ACYP2: variants seen among roughly 807,000 people sequenced by gnomAD.
ACYP2 encodes acylphosphatase-2.
In ACYP2, 12 loss-of-function variants were observed where a neutral mutation model predicts 11.2. The ratio of observed to expected loss-of-function variants is 1.08; its 90% CI spans 0.69 to 1.74. The LOEUF (loss-of-function observed/expected upper bound fraction) is 1.74, where lower values mean the gene tolerates loss of function less well. Ranked by LOEUF, ACYP2 falls within the 40% of genes most tolerant of loss-of-function variation. The pLI, the probability that ACYP2 is intolerant of heterozygous loss-of-function variation, is 0.00. For synonymous variants in ACYP2, 43 were observed against 32.2 expected (o/e 1.33, Z -1.13); for missense variants, 134 against 101.9 (o/e 1.31, Z -1.35).
At chr2:54,164,924 T>C (rs1007056114) in intron 6 of ACYP2, among the ~76,000 whole-genome samples, 1 of 152,216 alleles carries the variant, frequency 6.6e-6, no homozygotes, top group African/African-American at 2.4e-5. Flanking sequence ...TGTGTTCTCA[T>C]TGTTCAGCTC....
chr2:54,158,296 C>T (rs1450690283), intron 6 of ACYP2, among the ~76,000 whole-genome samples: 1 of 151,756 alleles, frequency 6.6e-6, no homozygotes, highest in Admixed American at 6.6e-5. Flanking sequence ...CCTGCCTCAG[C>T]CTTCCAAAGT....
chr2:54,078,867 G>A (rs1394060838), intron 4 of ACYP2, among the ~76,000 whole-genome samples: 2 of 152,006 alleles, frequency 1.3e-5, no homozygotes, highest in Non-Finnish European at 2.9e-5. Context: ...CAAAGTGCTG[G>A]GACTACAGGC....
rs1168917459 is a variant in ACYP2 at position 54,195,794 on chromosome 2, GTTTTT to G, written c.404+57063_404+57067del. Among the ~76,000 whole-genome samples the G allele has an allele frequency of 2.3e-3, 195 of 83,150 alleles. 2 individuals are homozygous for G. The highest frequency in any genetic ancestry group is 0.022 in the East Asian group (51 of 2,344). The allele number at this position is 83,150 out of a possible 152,430, so 54.5% of individuals were successfully genotyped here. On this transcript the variant is annotated intron_variant, in intron 6 of 6. Coordinates refer to ENST00000607452, the MANE Select transcript of ACYP2 (RefSeq NM_001320586.2). ...GTACATTGTCATCGTTTTGTTGTGG[GTTTTT>G]TTTTTTTTTTTTTTTTGAGACAGAG...
chr2:53,984,518 A>G (rs1671925397), intron 2 of ACYP2, among the ~76,000 whole-genome samples: 1 of 151,976 alleles, frequency 6.6e-6, no homozygotes, highest in East Asian at 1.9e-4. Flanking sequence ...TGGGGGTTGC[A>G]GCGAGCCGAG....
chr2:54,233,622 C>T (rs1686340487), intron 6 of ACYP2, among the ~76,000 whole-genome samples: 1 of 152,016 alleles, frequency 6.6e-6, no homozygotes, highest in Non-Finnish European at 1.5e-5. Flanking sequence ...ATTTTCTTAT[C>T]CCTCCTGTAA....
chr2:53,983,674 T>C (rs1052942031), intron 2 of ACYP2, among the ~76,000 whole-genome samples: 1 of 152,152 alleles, frequency 6.6e-6, no homozygotes, highest in East Asian at 1.9e-4. Context: ...GTTAAGAATT[T>C]TGGATTTTTT....
At chr2:54,209,250 T>C (rs1156255636) in intron 6 of ACYP2, among the ~76,000 whole-genome samples, 1 of 152,232 alleles carries the variant, frequency 6.6e-6, no homozygotes, top group Non-Finnish European at 1.5e-5. Context: ...CTTAATTCCA[T>C]ATTGCTTTCT....
At chr2:53,990,312 A>C (rs950264452) in intron 2 of ACYP2, among the ~76,000 whole-genome samples, 6 of 152,026 alleles carry the variant, frequency 3.9e-5, no homozygotes, top group African/African-American at 1.4e-4. Flanking sequence ...TCTTCTATTT[A>C]ATTTAGCCAG....
intron 4 of ACYP2, among the ~76,000 whole-genome samples, chr2:54,128,952 G>T (rs544868558): frequency 1.3e-5 from 2 of 152,232 alleles, no homozygotes; most frequent in African/African-American, 4.8e-5. Context: ...CACCCTTACA[G>T]ACACACCCAA....
chr2:54,192,283 A>C (rs1366883813), intron 6 of ACYP2, among the ~76,000 whole-genome samples: 1 of 152,112 alleles, frequency 6.6e-6, no homozygotes, highest in African/African-American at 2.4e-5. Context: ...TTCTTTCTTT[A>C]ATTAAATGCT....
At chr2:54,192,750 G>A (rs1684288407) in intron 6 of ACYP2, among the ~76,000 whole-genome samples, 1 of 152,198 alleles carries the variant, frequency 6.6e-6, no homozygotes, top group Non-Finnish European at 1.5e-5. Flanking sequence ...ATTGACTCAC[G>A]GTTCTGCATG....
chr2:54,276,347 C>T (rs1243314339), intron 6 of ACYP2, among the ~76,000 whole-genome samples: 2 of 152,114 alleles, frequency 1.3e-5, no homozygotes, highest in Non-Finnish European at 2.9e-5. Context: ...CTTTGTTAAA[C>T]ATCCTACATA....
intron 6 of ACYP2, among the ~76,000 whole-genome samples, chr2:54,209,666 A>AACTGTAAATGTAAAT (rs1685243128): frequency 2.6e-5 from 4 of 152,286 alleles, no homozygotes; most frequent in African/African-American, 9.6e-5. Flanking sequence ...GTTCAGTTTG[A>AACTGTAAATGTAAAT]GACAAAAAAT....
intron 6 of ACYP2, among the ~76,000 whole-genome samples, chr2:54,275,768 TCAG>T (rs1476696280): frequency 6.6e-6 from 1 of 152,328 alleles, no homozygotes; most frequent in African/African-American, 2.4e-5. Context: ...AATTGGAAAG[TCAG>T]CACGTATTGC....
At chr2:54,004,087 G>A (rs1297829483) in intron 2 of ACYP2, among the ~76,000 whole-genome samples, 1 of 152,000 alleles carries the variant, frequency 6.6e-6, no homozygotes, top group Admixed American at 6.6e-5. Flanking sequence ...AGGTTGAAAC[G>A]ATTCTCCTGA....
At chr2:54,022,365 G>C (rs1430196463) in intron 2 of ACYP2, among the ~76,000 whole-genome samples, 1 of 152,022 alleles carries the variant, frequency 6.6e-6, no homozygotes, top group Non-Finnish European at 1.5e-5. Context: ...GTCTCACCCT[G>C]TCACCCATGC....
At chr2:54,100,801 G>T (rs577593928) in intron 4 of ACYP2, among the ~76,000 whole-genome samples, 2 of 152,158 alleles carry the variant, frequency 1.3e-5, no homozygotes, top group African/African-American at 4.8e-5. Context: ...AAAGTACCTG[G>T]TATTTTCAAA....
At chr2:53,976,967 C>G (rs1313891395) in intron 2 of ACYP2, among the ~76,000 whole-genome samples, 2 of 152,142 alleles carry the variant, frequency 1.3e-5, no homozygotes, top group African/African-American at 4.8e-5. Flanking sequence ...AAAATTTTCA[C>G]TATTTTTTTG....
chr2:53,994,001 C>G (rs553030134), intron 2 of ACYP2, among the ~76,000 whole-genome samples: 2 of 152,042 alleles, frequency 1.3e-5, no homozygotes, highest in African/African-American at 2.4e-5. Context: ...CTGGCTAACA[C>G]AGTGAAACCC....
Sources: gnomAD v4.1 joint callset for allele counts (sites outside exome capture counted in the v4.1 genomes callset) on GRCh38, gnomAD v4.1.1 for gene constraint, MANE v1.5 for transcripts, NCBI Gene and HGNC (gene_info 2026-07-23, HGNC 2026-07-21) for gene names.